The following CCDC30 variants were observed in gnomAD, a reference collection of about 807,000 sequenced individuals.
CCDC30 encodes the protein coiled-coil domain containing 30, also known as coiled-coil domain-containing protein 30.
CCDC30 carries 70 observed loss-of-function variants against 100.2 expected under a neutral mutation model. That is an observed-to-expected ratio of 0.70 (90% CI 0.58 to 0.85). CCDC30 has a LOEUF of 0.85. Among genes scored for constraint, CCDC30 ranks in the 40% least tolerant of loss-of-function variants. CCDC30 has a pLI of 0.00. For synonymous variants in CCDC30, 233 were observed against 269.5 expected (o/e 0.86, Z 1.33); for missense variants, 652 against 771.2 (o/e 0.85, Z 1.83).
chr1:42,495,277 A>T (rs935089441), intron 4 of CCDC30, among the ~76,000 whole-genome samples: 159 of 151,840 alleles, frequency 1.0e-3, no homozygotes, highest in Non-Finnish European at 1.8e-3. Flanking sequence ...AACACCACAT[A>T]TTCTCACTCA....
At chr1:42,545,660 C>A in intron 6 of CCDC30, 81 bp downstream of exon 9, 1 of 1,317,088 alleles carries the variant, frequency 7.6e-7, no homozygotes, top group Non-Finnish European at 1.0e-6. Flanking sequence ...AAGAATTTGA[C>A]ATTCGGCTGG....
chr1:42,510,767 G>C (rs1227178736), intron 6 of CCDC30, among the ~76,000 whole-genome samples: 1 of 152,042 alleles, frequency 6.6e-6, no homozygotes, highest in African/African-American at 2.4e-5. Context: ...GGGAACTTGA[G>C]GGGGGCCCCA....
chr1:42,515,510 G>A (rs1644541702), intron 6 of CCDC30, among the ~76,000 whole-genome samples: 1 of 152,240 alleles, frequency 6.6e-6, no homozygotes, highest in South Asian at 2.1e-4. Context: ...GAGACTGTGT[G>A]TGGACACTGT....
intron 7 of CCDC30, among the ~76,000 whole-genome samples, chr1:42,575,248 C>T (rs187443082): frequency 5.9e-5 from 9 of 152,224 alleles, no homozygotes; most frequent in Admixed American, 2.6e-4. Flanking sequence ...ACATTCACTA[C>T]GTTCTGATAC....
intron 6 of CCDC30, among the ~76,000 whole-genome samples, chr1:42,565,807 G>A (rs1645594000): frequency 6.6e-6 from 1 of 152,082 alleles, no homozygotes; most frequent in Non-Finnish European, 1.5e-5. Context: ...ATGGGAGTGT[G>A]TTTATGGGAG....
At chr1:42,516,708 A>G (rs770574674) in intron 6 of CCDC30, among the ~76,000 whole-genome samples, 1 of 152,004 alleles carries the variant, frequency 6.6e-6, no homozygotes, top group East Asian at 1.9e-4. Context: ...CCCTTACCAC[A>G]TGCAGCTGCT....
intron 11 of CCDC30, among the ~76,000 whole-genome samples, chr1:42,627,158 G>C (rs1402039912): frequency 6.6e-6 from 1 of 152,176 alleles, no homozygotes; most frequent in East Asian, 1.9e-4. Flanking sequence ...AGATGGAGAT[G>C]AGGAACTTGT....
At chr1:42,575,360 A>T (rs1356900245) in intron 7 of CCDC30, among the ~76,000 whole-genome samples, 1 of 152,106 alleles carries the variant, frequency 6.6e-6, no homozygotes, top group Non-Finnish European at 1.5e-5. Context: ...AATTAAAAAC[A>T]TAGTCTTGGC....
chr1:42,502,257 G>A lies in CCDC30; in HGVS notation c.456+3341G>A, dbSNP rs916093710. On this transcript the variant is annotated intron_variant, in intron 6 of 16. Coordinates refer to ENST00000668663, the Ensembl canonical transcript of CCDC30. ...CCATGGGCGTGGGACCCTCCGAGCCGGGCGTGGGACCCTCCGAGCCATGCG... is the reference window on the plus strand; with the variant it reads ...CCATGGGCGTGGGACCCTCCGAGCCAGGCGTGGGACCCTCCGAGCCATGCG... Among the ~76,000 whole-genome samples the A allele has an allele frequency of 3.2e-4, 47 of 146,780 alleles. No individual in the cohort carries two copies. The South Asian group carries it at 5.2e-3, about 16-fold the overall frequency.
intron 6 of CCDC30, chr1:42,510,131 T>G (rs528370193): frequency 1.0e-6 from 1 of 985,276 alleles, no homozygotes; most frequent in Non-Finnish European, 1.2e-6. Context: ...AAGTTGCATT[T>G]GAGGGTTTCA....
At chr1:42,505,672 C>T (rs1644383712) in intron 6 of CCDC30, among the ~76,000 whole-genome samples, 1 of 152,192 alleles carries the variant, frequency 6.6e-6, no homozygotes, top group South Asian at 2.1e-4. Context: ...TCAAATAATA[C>T]CTTTTAAAGC....
chr1:42,581,871 A>C lies in CCDC30; in HGVS notation c.1001+357A>C, dbSNP rs528809083. Among the ~76,000 whole-genome samples, 113 of 152,246 alleles carry C rather than the reference A, an allele frequency of 7.4e-4. 1 individual carries two copies. The highest frequency in any genetic ancestry group is 2.6e-3 in the African/African-American group (110 of 41,544). On this transcript the variant is annotated intron_variant, in intron 9 of 16. Coordinates refer to ENST00000668663, the Ensembl canonical transcript of CCDC30. The stretch of plus-strand genomic sequence containing the variant: ...AAATTCAAACTACAATGAAGTTGAT[A>C]TTCTGTACGAGGGGACTTCAGAGAG...
At chr1:42,589,325 C>T in exon 10 of CCDC30, 1 of 1,596,056 alleles carries the variant, frequency 6.3e-7, no homozygotes, top group Non-Finnish European at 8.5e-7. Context: ...CCTCAGGAAA[C>T]TTCTATATCA....
intron 6 of CCDC30, among the ~76,000 whole-genome samples, chr1:42,562,134 C>A (rs1036205761): frequency 7.9e-5 from 12 of 152,146 alleles, no homozygotes; most frequent in Non-Finnish European, 1.0e-4. Flanking sequence ...TCAAAGAAGA[C>A]CCCATATAGC....
intron 11 of CCDC30, among the ~76,000 whole-genome samples, chr1:42,627,503 G>A (rs148857873): frequency 3.2e-4 from 49 of 152,238 alleles, no homozygotes; most frequent in African/African-American, 1.1e-3. Flanking sequence ...CAAGACCGTG[G>A]GAAAATGTCT....
At chr1:42,524,339 A>G (rs1644692426) in intron 6 of CCDC30, among the ~76,000 whole-genome samples, 2 of 152,200 alleles carry the variant, frequency 1.3e-5, no homozygotes, top group South Asian at 2.1e-4. Flanking sequence ...TTCCCTTATC[A>G]TATGCAGTGG....
intron 10 of CCDC30, among the ~76,000 whole-genome samples, chr1:42,604,081 G>A (rs937585910): frequency 1.3e-5 from 2 of 151,992 alleles, no homozygotes; most frequent in Admixed American, 1.3e-4. Flanking sequence ...TAGCTGGGTG[G>A]TACATGCCTG....
At chr1:42,578,652 A>G (rs1645894432) in intron 8 of CCDC30, among the ~76,000 whole-genome samples, 3 of 151,552 alleles carry the variant, frequency 2.0e-5, no homozygotes, top group Admixed American at 1.3e-4. Context: ...TTCACTTGGA[A>G]GAGTTAACTA....
chr1:42,529,812 T>C (rs1305967642), intron 6 of CCDC30: 1 of 152,272 alleles, frequency 6.6e-6, no homozygotes, highest in East Asian at 1.9e-4. Context: ...CCTTCAGTCA[T>C]TCCTTCCTTA....
Sources: gnomAD v4.1 joint callset for allele counts (sites outside exome capture counted in the v4.1 genomes callset) on GRCh38, gnomAD v4.1.1 for gene constraint, MANE v1.5 for transcripts, NCBI Gene and HGNC (gene_info 2026-07-23, HGNC 2026-07-21) for gene names.